Variants in MYO3B observed in about 807,000 individuals in gnomAD.
MYO3B encodes the protein myosin IIIB.
In MYO3B, 156 loss-of-function variants were observed where a neutral mutation model predicts 174.6. The observed-to-expected ratio is 0.89, with a 90% CI of 0.78 to 1.02. The LOEUF (loss-of-function observed/expected upper bound fraction) is 1.02. MYO3B is among the 50% of genes least tolerant of loss of function. The pLI is 0.00. For synonymous variants in MYO3B, 563 were observed against 569.1 expected (o/e 0.99, Z 0.15); for missense variants, 1,632 against 1,639.4 (o/e 1.00, Z 0.08).
At chr2:170,582,703 T>C (rs747969572) in intron 32 of MYO3B, among the ~76,000 whole-genome samples, 2 of 152,052 alleles carry the variant, frequency 1.3e-5, no homozygotes, top group African/African-American at 4.8e-5. Flanking sequence ...CCAGCAGGAG[T>C]TGTTGCTCCT....
intron 16 of MYO3B, among the ~76,000 whole-genome samples, chr2:170,396,633 G>A (rs1300989654): frequency 6.6e-6 from 1 of 152,174 alleles, no homozygotes; most frequent in African/African-American, 2.4e-5. Context: ...CAGGGTCATA[G>A]ATAGTTTTTC....
intron 6 of MYO3B, among the ~76,000 whole-genome samples, chr2:170,220,639 A>T (rs2105379801): frequency 1.3e-5 from 2 of 151,814 alleles, no homozygotes; most frequent in Admixed American, 6.6e-5. Context: ...AAAAAAAAAA[A>T]AAAAAAAAAA....
chr2:170,617,270 G>A (rs904747974), intron 32 of MYO3B, among the ~76,000 whole-genome samples: 1 of 152,096 alleles, frequency 6.6e-6, no homozygotes, highest in Non-Finnish European at 1.5e-5. Flanking sequence ...ATGGATAAAG[G>A]GGGAAGATTC....
chr2:170,427,901 T>C (rs755159869), intron 22 of MYO3B, among the ~76,000 whole-genome samples: 2 of 152,198 alleles, frequency 1.3e-5, no homozygotes, highest in Non-Finnish European at 2.9e-5. Context: ...GCCTTCACAT[T>C]AGCACCCAGT....
At chr2:170,480,043 A>ATG (rs1446115257) in intron 25 of MYO3B, among the ~76,000 whole-genome samples, 2 of 132,488 alleles carry the variant, frequency 1.5e-5, no homozygotes, top group Non-Finnish European at 3.4e-5. Flanking sequence ...GTGTGTGTGT[A>ATG]TATATATATA....
At chr2:170,279,463 T>TA (rs143714663) in intron 7 of MYO3B, among the ~76,000 whole-genome samples, 49 of 148,956 alleles carry the variant, frequency 3.3e-4, no homozygotes, top group African/African-American at 5.6e-4. Context: ...TTTGTCCACT[T>TA]AAAAAAAAAA....
chr2:170,277,079 G>T (rs1395170185), intron 7 of MYO3B, among the ~76,000 whole-genome samples: 1 of 152,152 alleles, frequency 6.6e-6, no homozygotes, highest in Non-Finnish European at 1.5e-5. Context: ...GCTGGGAACT[G>T]GTGTCATCCA....
chr2:170,252,183 C>T (rs2093260709), intron 7 of MYO3B, among the ~76,000 whole-genome samples: 1 of 152,192 alleles, frequency 6.6e-6, no homozygotes, highest in African/African-American at 2.4e-5. Context: ...CACCCTTCAC[C>T]CCCTTCCTTT....
intron 32 of MYO3B, among the ~76,000 whole-genome samples, chr2:170,625,301 A>G (rs1696314054): frequency 6.6e-6 from 1 of 152,048 alleles, no homozygotes; most frequent in South Asian, 2.1e-4. Context: ...TTGGGAGGGT[A>G]TATGTGTGGA....
intron 27 of MYO3B, among the ~76,000 whole-genome samples, chr2:170,500,377 C>G (rs748706925): frequency 2.6e-5 from 4 of 152,182 alleles, no homozygotes; most frequent in Non-Finnish European, 4.4e-5. Context: ...GTGATATTTA[C>G]TCCAGTCTTT....
At chr2:170,512,281 G>A (rs1452226891) in intron 28 of MYO3B, among the ~76,000 whole-genome samples, 1 of 152,084 alleles carries the variant, frequency 6.6e-6, no homozygotes, top group Non-Finnish European at 1.5e-5. Context: ...AACTTTCTTG[G>A]TGCTGCTTTT....
At chr2:170,565,395 A>G (rs1012883768) in intron 32 of MYO3B, among the ~76,000 whole-genome samples, 1 of 152,212 alleles carries the variant, frequency 6.6e-6, no homozygotes, top group African/African-American at 2.4e-5. Flanking sequence ...TTGGGTCATC[A>G]TGAGAATGGT....
chr2:170,396,526 G>T (rs995154853), intron 16 of MYO3B, among the ~76,000 whole-genome samples: 1 of 152,110 alleles, frequency 6.6e-6, no homozygotes, highest in Non-Finnish European at 1.5e-5. Context: ...GTGAGCATTG[G>T]TTACCCCGCT....
chr2:170,422,821 A>G (rs542824306), intron 22 of MYO3B, among the ~76,000 whole-genome samples: 2 of 152,268 alleles, frequency 1.3e-5, no homozygotes, highest in East Asian at 1.9e-4. Context: ...ATTAATTTCA[A>G]TAATAGATCT....
intron 25 of MYO3B, among the ~76,000 whole-genome samples, chr2:170,477,090 A>T (rs964704525): frequency 1.3e-4 from 20 of 152,194 alleles, no homozygotes; most frequent in African/African-American, 4.6e-4. Flanking sequence ...AAAGCTTTCC[A>T]TAACTGGTCT....
chr2:170,343,200 G>A (rs79304713), intron 8 of MYO3B, among the ~76,000 whole-genome samples: 4,638 of 152,200 alleles, frequency 0.03, 99 homozygotes, highest in Middle Eastern at 0.099. Flanking sequence ...AGCACTTTGA[G>A]GGGCTGAGGT....
At chr2:170,588,463 G>C (rs1472071219) in intron 32 of MYO3B, among the ~76,000 whole-genome samples, 2 of 152,244 alleles carry the variant, frequency 1.3e-5, no homozygotes, top group South Asian at 2.1e-4. Flanking sequence ...GGCACACAGT[G>C]CCAGTGTACT....
rs748891719 is a variant in MYO3B, at chr2:170,653,043, T to C, written c.3948T>C (p.Cys1316=). 6.2e-7 allele frequency: 1 copy of C among 1,614,164 alleles called. No individual in the cohort carries two copies. The highest frequency in any genetic ancestry group is 1.7e-5 in the Admixed American group (1 of 60,022). The change falls in exon 35 of 35, where the codon TGT becomes TGC. Residue 1316 remains cysteine, a synonymous_variant. Coordinates refer to ENST00000408978, the MANE Select transcript of MYO3B (RefSeq NM_138995.5). ...EYYKSLSPVD[C]IPEENNSAHP... ...ACAAATCTCTGTCACCAGTGGACTG[T>C]ATCCCTGAGGAGAACAACTCAGCCC...
intron 22 of MYO3B, among the ~76,000 whole-genome samples, chr2:170,435,966 A>G (rs1165243785): frequency 6.6e-6 from 1 of 152,218 alleles, no homozygotes; most frequent in East Asian, 1.9e-4. Context: ...AGCAAGGAAA[A>G]TCCTCTGAAG....
Sources: allele counts gnomAD v4.1 joint callset (sites outside exome capture counted in the v4.1 genomes callset), GRCh38; gene constraint gnomAD v4.1.1; transcripts MANE v1.5; gene names NCBI Gene and HGNC (gene_info 2026-07-23, HGNC 2026-07-21).